Variants in WNT3 observed in about 807,000 individuals in gnomAD.
WNT3 encodes the protein Wnt family member 3.
In WNT3, 7 loss-of-function variants were observed where a neutral mutation model predicts 34.2. The observed-to-expected ratio is 0.20, with a 90% CI of 0.12 to 0.38. The LOEUF is 0.38. Among genes scored for constraint, WNT3 ranks in the 10% least tolerant of loss-of-function variants. The probability of loss-of-function intolerance (pLI) is 1.00; values close to 1 mark genes in which losing one functional copy is unlikely to be tolerated. For missense variants in WNT3, 267 were observed against 499.8 expected, an observed-to-expected ratio of 0.53 and a Z score of 4.44; for synonymous variants, 212 against 211.5, an observed-to-expected ratio of 1.00 and a Z score of -0.02.
rs867334725 is a variant in WNT3 at position 46,811,163 on chromosome 17, G to T, written c.80+7355C>A. On this transcript the variant is annotated intron_variant, in intron 1 of 4. Coordinates refer to ENST00000225512, the MANE Select transcript of WNT3 (RefSeq NM_030753.5). The stretch of plus-strand genomic sequence containing the variant: ...TACTGGCTTCAGCAACTCTACCCCT[G>T]CCCGCCCTACACCTTTCCAGCCTTA... Among the ~76,000 whole-genome samples the T allele has an allele frequency of 5.9e-5, 6 of 101,028 alleles. 2 individuals carry two copies. The highest frequency in any genetic ancestry group is 3.7e-4 in the Admixed American group (4 of 10,840). 66.3% of individuals were successfully genotyped at this position (101,028 alleles called of 152,430 possible). A position where few individuals can be genotyped will look rare whatever the true frequency, so the allele number is the denominator to read the frequency against.
In WNT3 at chr17:46,764,329, A is replaced by T. The variant is rs2059294857; in HGVS notation, c.*301T>A. 6.6e-6 allele frequency: 1 copy of T among 152,560 alleles called. No homozygotes were observed. Among genetic ancestry groups the T allele is most frequent in the African/African-American group, 2.4e-5 (1 of 41,424 alleles). The allele number at this position is 152,560 out of a possible 1,614,324, so 9.5% of individuals were successfully genotyped here. On this transcript the variant is annotated 3_prime_UTR_variant, in exon 5 of 5. Coordinates refer to ENST00000225512, the MANE Select transcript of WNT3 (RefSeq NM_030753.5). ...TTTTTTTTCATTTTTATTTTCTTTA[A>T]CATGTGCAAAGATAAGCCTCAGGTC...
At chr17:46,802,930 G>A (rs2068395096) in intron 1 of WNT3, among the ~76,000 whole-genome samples, 1 of 152,180 alleles carries the variant, frequency 6.6e-6, no homozygotes, top group Admixed American at 6.5e-5. Context: ...CAAGGAGGAA[G>A]TCACAGGAAC....
intron 4 of WNT3, among the ~76,000 whole-genome samples, chr17:46,764,933 C>A (rs750214695): frequency 6.6e-6 from 1 of 152,226 alleles, no homozygotes; most frequent in Non-Finnish European, 1.5e-5. Context: ...ATGGGAGAAA[C>A]GGTGCCTGGC....
At position 46,770,056 on chromosome 17, in the gene WNT3, G is replaced by A. The variant is rs1159820834; in HGVS notation, c.323-8C>T. The A allele has an allele frequency of 6.5e-7, 1 of 1,538,026 alleles. No homozygotes were observed. The highest frequency in any genetic ancestry group is 8.8e-7 in the Non-Finnish European group (1 of 1,142,710). ...AGGCCGACTCGCGGGTGGCTGCGGG[G>A]AGGTCGTGGGGAGGCAGCACTCAGG... is the stretch of plus-strand genomic sequence containing the variant. On this transcript the variant is annotated splice_region_variant and splice_polypyrimidine_tract_variant and intron_variant, in intron 2 of 4. Transcript: ENST00000225512.
chr17:46,795,161 G>T (rs963004345), intron 1 of WNT3, among the ~76,000 whole-genome samples: 2 of 152,058 alleles, frequency 1.3e-5, no homozygotes, highest in Non-Finnish European at 2.9e-5. Context: ...GGTGCTGAGG[G>T]AATTGTTCCC....
intron 1 of WNT3, among the ~76,000 whole-genome samples, chr17:46,811,683 G>A (rs182561850): frequency 6.6e-6 from 1 of 152,258 alleles, no homozygotes; most frequent in East Asian, 1.9e-4. Context: ...GGCTGGGTGC[G>A]GTGGCTCACG....
intron 1 of WNT3, among the ~76,000 whole-genome samples, chr17:46,795,654 G>C (rs1014009663): frequency 2.0e-5 from 3 of 152,188 alleles, no homozygotes; most frequent in Non-Finnish European, 4.4e-5. Flanking sequence ...AGTGGGTGAC[G>C]ACACCAAGCC....
chr17:46,773,410 C>T (rs968689930), intron 2 of WNT3, among the ~76,000 whole-genome samples: 3 of 152,212 alleles, frequency 2.0e-5, no homozygotes, highest in Non-Finnish European at 1.5e-5. Context: ...CCTGAGGCGC[C>T]CACTGTGCAA....
At chr17:46,784,537 G>A (rs976466920) in intron 1 of WNT3, among the ~76,000 whole-genome samples, 1 of 152,152 alleles carries the variant, frequency 6.6e-6, no homozygotes, top group Non-Finnish European at 1.5e-5. Context: ...CAGGGAGGGG[G>A]CTGGGGGCCA....
At chr17:46,800,861 G>C (rs147088772) in intron 1 of WNT3, among the ~76,000 whole-genome samples, 246 of 152,304 alleles carry the variant, frequency 1.6e-3, no homozygotes, top group African/African-American at 5.6e-3. Flanking sequence ...CTGAGGGAAG[G>C]CTGCGCAGAG....
chr17:46,793,437 T>C lies in WNT3; in HGVS notation c.81-19528A>G, dbSNP rs549321618. ...GGGTTAACATCCCTGTAAATTCAAA[T>C]GCTGGGCTCCCGCCTATCAGTCTTT... On this transcript the variant is annotated intron_variant, in intron 1 of 4. Coordinates refer to ENST00000225512, the MANE Select transcript of WNT3 (RefSeq NM_030753.5). Among the ~76,000 whole-genome samples the C allele has an allele frequency of 9.9e-5, 15 of 152,262 alleles. No individual in the cohort carries two copies. The South Asian group carries it at 2.7e-3, about 27-fold the overall frequency.
chr17:46,810,555 T>A (rs1207629348), intron 1 of WNT3, among the ~76,000 whole-genome samples: 1 of 152,146 alleles, frequency 6.6e-6, no homozygotes, highest in East Asian at 1.9e-4. Flanking sequence ...CAGGTGGTCG[T>A]GTTATTATCA....
chr17:46,769,107 A>C (rs1337724043), intron 3 of WNT3, among the ~76,000 whole-genome samples: 1 of 152,206 alleles, frequency 6.6e-6, no homozygotes, highest in African/African-American at 2.4e-5. Context: ...ACCTGAAGTC[A>C]GGAGTTTGAG....
At chr17:46,780,632 C>T (rs1036443006) in intron 1 of WNT3, among the ~76,000 whole-genome samples, 4 of 152,074 alleles carry the variant, frequency 2.6e-5, no homozygotes, top group Non-Finnish European at 4.4e-5. Context: ...AAAAATTAGC[C>T]GGGCGTGGTG....
chr17:46,772,520 AGAACGAGTTT>A (rs1321340605), intron 2 of WNT3, among the ~76,000 whole-genome samples: 26 of 152,376 alleles, frequency 1.7e-4, no homozygotes, highest in African/African-American at 5.5e-4. Context: ...CACACCGACA[AGAACGAGTTT>A]GAAATGCAAA....
chr17:46,788,104 A>G (rs2059527954), intron 1 of WNT3, among the ~76,000 whole-genome samples: 1 of 152,176 alleles, frequency 6.6e-6, no homozygotes, highest in Non-Finnish European at 1.5e-5. Context: ...GGAGAAGGCA[A>G]AGAAGTCCCC....
intron 1 of WNT3, among the ~76,000 whole-genome samples, chr17:46,781,854 A>C (rs2059464530): frequency 6.6e-6 from 1 of 152,212 alleles, no homozygotes; most frequent in Non-Finnish European, 1.5e-5. Flanking sequence ...CTATACGGGA[A>C]GATTGAGGCC....
chr17:46,788,777 C>A (rs12325874), intron 1 of WNT3, among the ~76,000 whole-genome samples: 132,928 of 152,044 alleles, frequency 0.87, 60,940 homozygotes, highest in East Asian at 1. Flanking sequence ...GCCTCCTTTC[C>A]CTGCCCTCAG....
rs1197275644 is a variant in WNT3, at chr17:46,768,363, C to A, written c.1025G>T (p.Cys342Phe). Residue 342 changes from cysteine to phenylalanine, a missense_variant, in exon 4 of 5, where the codon TGC becomes TTC. By Grantham distance (205) the Cys-to-Phe change is radical. Coordinates refer to ENST00000225512, the MANE Select transcript of WNT3 (RefSeq NM_030753.5). The surrounding 1 kb of genome is among the most constrained non-coding windows in gnomAD (Gnocchi z 5.0). Reference protein sequence around the residue: ...CIFHWCCYVSCQECIRIYDVH... With the variant: ...CIFHWCCYVSFQECIRIYDVH... ...GTCGTAGATGCGAATACACTCCTGGCAGCTGACGTAGCAGCACCAGTGGAA... is the reference window on the plus strand; with the variant it reads ...GTCGTAGATGCGAATACACTCCTGGAAGCTGACGTAGCAGCACCAGTGGAA... 6.2e-7 allele frequency: 1 copy of A among 1,613,844 alleles called. No individual in the cohort carries two copies.
Sources: allele counts gnomAD v4.1 joint callset (sites outside exome capture counted in the v4.1 genomes callset), GRCh38; gene constraint gnomAD v4.1.1; non-coding constraint Gnocchi (gnomAD v3.1); transcripts MANE v1.5; gene names NCBI Gene and HGNC (gene_info 2026-07-23, HGNC 2026-07-21).